The following PHKA2 variants were observed in gnomAD, a reference collection of about 807,000 sequenced individuals.
PHKA2 encodes the protein phosphorylase b kinase regulatory subunit alpha, liver isoform.
Under a neutral mutation model 102.0 loss-of-function variants are expected in PHKA2, and 31 were observed. The observed-to-expected ratio is 0.30, with a 90% CI of 0.23 to 0.41. The LOEUF is 0.41. PHKA2 is among the 10% of genes least tolerant of loss of function. PHKA2 has a pLI of 1.00. For missense variants in PHKA2, 858 were observed against 1,023.1 expected (o/e 0.84, Z 2.20); for synonymous variants, 455 against 416.2 (o/e 1.09, Z -1.13).
At chrX:18,947,827 G>T (rs1267146773) in intron 5 of PHKA2, among the ~76,000 whole-genome samples, 1 of 112,466 alleles carries the variant, frequency 8.9e-6, no homozygotes, top group African/African-American at 3.2e-5. Context: ...GCCATAAAAA[G>T]GAATGGATTA....
intron 19 of PHKA2, among the ~76,000 whole-genome samples, chrX:18,914,921 G>A (rs892400009): frequency 9.0e-6 from 1 of 111,560 alleles, no homozygotes; most frequent in Non-Finnish European, 1.9e-5. Context: ...GAAGGAGGAC[G>A]CTCATGTGGA....
chrX:18,926,796 C>T (rs1482383923), intron 13 of PHKA2, among the ~76,000 whole-genome samples: 1 of 111,771 alleles, frequency 8.9e-6, no homozygotes, highest in African/African-American at 3.3e-5. Flanking sequence ...GCCTATTTAT[C>T]AAGTGCCTTC....
intron 5 of PHKA2, among the ~76,000 whole-genome samples, chrX:18,945,988 C>T (rs1021374563): frequency 7.3e-5 from 8 of 109,332 alleles, no homozygotes; most frequent in African/African-American, 2.7e-4. Flanking sequence ...AGTGCAGTGG[C>T]GCGATCTCAG....
At chrX:18,923,028 G>C (rs1356726105) in intron 17 of PHKA2, among the ~76,000 whole-genome samples, 1 of 105,174 alleles carries the variant, frequency 9.5e-6, no homozygotes, top group Non-Finnish European at 1.9e-5. Context: ...CCAGGGCTGA[G>C]CTACACAGTG....
At position 18,897,291 on chromosome X, in the gene PHKA2, C is replaced by A; in HGVS notation, c.3154G>T (p.Asp1052Tyr). The change falls in exon 30 of 33, where the codon GAC becomes TAC. Residue 1052 changes from aspartate to tyrosine, a missense_variant. This residue lies in a region of PHKA2 where 671 missense variants were observed against 745.2 expected (regional missense o/e 0.90). Coordinates refer to ENST00000379942, the MANE Select transcript of PHKA2 (RefSeq NM_000292.3). Reference sequence around the variant, plus strand: ...CAGCCGATGTGATGTCCTCCCGAGTCTGAGGATGACGTGCCAGTGGGCGAG... The same window carrying A: ...CAGCCGATGTGATGTCCTCCCGAGTATGAGGATGACGTGCCAGTGGGCGAG... Reference protein sequence around the residue: ...PSSPTGTSSSDSGGHHIGWGE... With the variant: ...PSSPTGTSSSYSGGHHIGWGE... 1 of 1,211,031 alleles carries A rather than the reference C, an allele frequency of 8.3e-7. No individual in the cohort carries two copies. The highest frequency in any genetic ancestry group is 1.1e-6 in the Non-Finnish European group (1 of 895,338).
chrX:18,896,105 TTGTATGC>T (rs2147811463), intron 30 of PHKA2: 1 of 112,446 alleles, frequency 8.9e-6, no homozygotes, highest in Admixed American at 9.3e-5. Flanking sequence ...AAGGGGGCTG[TTGTATGC>T]TGTCACTGGG....
chrX:18,948,981 T>G (rs1288954814), intron 4 of PHKA2, among the ~76,000 whole-genome samples, 155 bp from the exon 5 acceptor site: 1 of 110,883 alleles, frequency 9.0e-6, no homozygotes, highest in Non-Finnish European at 1.9e-5. Flanking sequence ...GGCATAACAG[T>G]GAGTGTCTAA....
In PHKA2 at chrX:18,907,093, C is replaced by T. The variant is rs374894621; in HGVS notation, c.2522G>A (p.Cys841Tyr). ...CTTCTGGTGCGAAAGCAGGTCTGTG[C>T]AGGCCTGCGCAGTTAAGGGGAAGGG... ...RKKVEVLAEA[C>Y]TDLLSHQKQL... Residue 841 changes from cysteine (C) to tyrosine (Y), a missense_variant, in exon 23 of 33, where the codon TGC (cysteine) becomes TAC (tyrosine). Around this residue, in one of 2 missense-constraint regions of PHKA2, gnomAD observed 671 missense variants for 745.2 expected, o/e 0.90. Coordinates refer to ENST00000379942, the MANE Select transcript of PHKA2 (RefSeq NM_000292.3). The T allele has an allele frequency of 5.1e-6, 6 of 1,175,501 alleles. No individual in the cohort carries two copies. Among genetic ancestry groups the T allele is most frequent in the Non-Finnish European group, 5.7e-6 (5 of 874,903 alleles).
intron 19 of PHKA2, among the ~76,000 whole-genome samples, chrX:18,916,889 T>C (rs989971603): frequency 1.8e-5 from 2 of 110,279 alleles, no homozygotes; most frequent in South Asian, 7.8e-4. Context: ...TTTTTTTTTT[T>C]TTGAGACAGG....
chrX:18,940,749 C>T (rs1340669071), intron 8 of PHKA2, among the ~76,000 whole-genome samples: 1 of 111,857 alleles, frequency 8.9e-6, no homozygotes, highest in Non-Finnish European at 1.9e-5. Context: ...TGGAGGCAAC[C>T]ACGTCCCTAG....
At chrX:18,922,083 C>T (rs1183068043) in intron 17 of PHKA2, among the ~76,000 whole-genome samples, 1 of 111,174 alleles carries the variant, frequency 9.0e-6, no homozygotes, top group African/African-American at 3.3e-5. Context: ...CCCGTCTCTA[C>T]TAAAAATACA....
At chrX:18,907,823 C>A in intron 22 of PHKA2, 77 bp downstream of exon 22, 1 of 1,060,487 alleles carries the variant, frequency 9.4e-7, no homozygotes, top group Non-Finnish European at 1.3e-6. Flanking sequence ...AGAGGTATAA[C>A]TGGGAGATTG....
In PHKA2 at chrX:18,965,409, G is replaced by C. The variant is rs138465974; in HGVS notation, c.79-10997C>G. On this transcript the variant is annotated intron_variant, in intron 1 of 32. Transcript: ENST00000379942. Reference sequence around the variant, plus strand: ...GCTAGTCAACTTTCAGCTGAACAGGGGTATTACAGATGTCATTATTTGATA... The same window carrying C: ...GCTAGTCAACTTTCAGCTGAACAGGCGTATTACAGATGTCATTATTTGATA... Among the ~76,000 whole-genome samples, 19 of 111,549 alleles carry C rather than the reference G, an allele frequency of 1.7e-4. No homozygotes were observed. In the East Asian group the frequency reaches 5.1e-3, roughly 30 times the overall value.
intron 12 of PHKA2, among the ~76,000 whole-genome samples, chrX:18,930,732 A>G (rs188377818): frequency 8.1e-5 from 9 of 111,668 alleles, no homozygotes; most frequent in Admixed American, 5.7e-4. Flanking sequence ...CTCCAAGGAC[A>G]TGACCATGAC....
At chrX:18,906,301 T>C (rs1017626876) in intron 25 of PHKA2, among the ~76,000 whole-genome samples, 194 bp downstream of exon 25, 1 of 112,373 alleles carries the variant, frequency 8.9e-6, no homozygotes, top group Non-Finnish European at 1.9e-5. Flanking sequence ...TCTCCCTGAC[T>C]TATGAACTTC....
chrX:18,901,239 G>A (rs2047675522), intron 27 of PHKA2, among the ~76,000 whole-genome samples: 1 of 111,064 alleles, frequency 9.0e-6, no homozygotes, highest in Non-Finnish European at 1.9e-5. Flanking sequence ...ACATGGACAA[G>A]GGTATTTTCT....
In PHKA2 at chrX:18,961,632, C is replaced by T. The variant is rs776020781; in HGVS notation, c.79-7220G>A. 8.5e-4 allele frequency among the ~76,000 whole-genome samples: 84 copies of T among 98,990 alleles called. 1 individual carries two copies. In the Middle Eastern group the frequency reaches 0.02, roughly 24 times the overall value. 86.0% of individuals were successfully genotyped at this position (98,990 alleles called of 115,157 possible). ...GAGACGGTGCCACACTGCACTCCAG[C>T]CCGGGTAACAGCGCAAGACTCCATC... is the stretch of plus-strand genomic sequence containing the variant. On this transcript the variant is annotated intron_variant, in intron 1 of 32. Transcript: ENST00000379942.
intron 12 of PHKA2, among the ~76,000 whole-genome samples, chrX:18,930,590 T>C (rs2048297312): frequency 9.0e-6 from 1 of 111,010 alleles, no homozygotes; most frequent in African/African-American, 3.3e-5. Context: ...ATTTTACAGA[T>C]GAGGAAACCG....
At chrX:18,900,751 C>T (rs1440200617) in intron 27 of PHKA2, 52 bp from the exon 28 acceptor site, 9 of 1,084,496 alleles carry the variant, frequency 8.3e-6, no homozygotes, top group South Asian at 3.7e-5. Context: ...GCCAAGAACG[C>T]GTGCTTCTTC....
Sources: allele counts gnomAD v4.1 joint callset (sites outside exome capture counted in the v4.1 genomes callset), GRCh38; gene constraint gnomAD v4.1.1; regional missense constraint gnomAD v4.1.1; transcripts MANE v1.5; gene names NCBI Gene and HGNC (gene_info 2026-07-23, HGNC 2026-07-21).